TLN2: variants seen among roughly 807,000 people sequenced by gnomAD.
The protein encoded by TLN2 is talin-2.
Under a neutral mutation model 294.7 loss-of-function variants are expected in TLN2, and 118 were observed. The observed-to-expected ratio is 0.40, with a 90% CI of 0.34 to 0.47. The LOEUF is 0.47. Ranked by LOEUF, TLN2 falls within the 20% of genes least tolerant of loss-of-function variation. The pLI is 0.84. For synonymous variants in TLN2, 1,431 were observed against 1,304.5 expected (o/e 1.10, Z -2.09); for missense variants, 3,083 against 3,282.2 (o/e 0.94, Z 1.48).
intron 19 of TLN2, among the ~76,000 whole-genome samples, chr15:62,703,650 C>CACACACAG (rs34685862): frequency 7.3e-4 from 110 of 149,914 alleles, no homozygotes; most frequent in South Asian, 4.8e-3. Flanking sequence ...CACACACACA[C>CACACACAG]AGAGAAAGAG....
At position 62,610,041 on chromosome 15, in the gene TLN2, T is replaced by G. The variant is rs538066655; in HGVS notation, c.-161-8310T>G. On this transcript the variant is annotated intron_variant, in intron 2 of 58. Transcript: ENST00000636159. The stretch of plus-strand genomic sequence containing the variant: ...TATAATAAGACCTACCAGACTCATC[T>G]TGTACTTACCCTGCTCCAGACTTAG... Among the ~76,000 whole-genome samples, 37 of 152,336 alleles carry G rather than the reference T, an allele frequency of 2.4e-4. No homozygotes were observed. In the South Asian group the frequency reaches 3.7e-3, roughly 15 times the overall value.
intron 1 of TLN2, among the ~76,000 whole-genome samples, chr15:62,582,246 A>ACACACACACACCCACACACACACCCC (rs764248336): frequency 7.3e-6 from 1 of 137,240 alleles, no homozygotes; most frequent in East Asian, 2.3e-4. Context: ...ACACACACAC[A>ACACACACACACCCACACACACACCCC]CATTCATGCC....
At chr15:62,694,501 C>A in intron 14 of TLN2, 109 bp downstream of exon 14, 2 of 839,004 alleles carry the variant, frequency 2.4e-6, no homozygotes, top group East Asian at 2.6e-5. Flanking sequence ...GAGAAGATGA[C>A]AGCAGATGAT....
chr15:62,408,364 C>T (rs2033553085), intron 1 of TLN2, among the ~76,000 whole-genome samples: 2 of 152,176 alleles, frequency 1.3e-5, no homozygotes, highest in Non-Finnish European at 2.9e-5. Context: ...AACAGGGCTG[C>T]CTGGGCCCCA....
At chr15:62,426,572 T>C (rs1435071858) in intron 1 of TLN2, among the ~76,000 whole-genome samples, 1 of 152,174 alleles carries the variant, frequency 6.6e-6, no homozygotes, top group African/African-American at 2.4e-5. Flanking sequence ...CTTTGTATGG[T>C]AATGGGGACT....
At chr15:62,680,406 G>A (rs1010655110) in intron 11 of TLN2, among the ~76,000 whole-genome samples, 2 of 151,914 alleles carry the variant, frequency 1.3e-5, no homozygotes, top group Admixed American at 6.6e-5. Context: ...TTAATTTTCA[G>A]GTTTATTGTT....
chr15:62,731,684 T>G (rs1282138611), intron 28 of TLN2, among the ~76,000 whole-genome samples: 2 of 152,216 alleles, frequency 1.3e-5, no homozygotes, highest in Non-Finnish European at 2.9e-5. Context: ...GGTTACAAAT[T>G]AGGAAATGCC....
At chr15:62,475,692 A>G (rs1217754403) in intron 1 of TLN2, among the ~76,000 whole-genome samples, 3 of 152,128 alleles carry the variant, frequency 2.0e-5, no homozygotes, top group Non-Finnish European at 4.4e-5. Context: ...CCCCTGCTCA[A>G]ATGTGAACAG....
chr15:62,825,787 TATTATA>T (rs1295552393), intron 54 of TLN2, among the ~76,000 whole-genome samples: 2 of 48,954 alleles, frequency 4.1e-5, no homozygotes, highest in African/African-American at 1.9e-4. Context: ...ATATATTATA[TATTATA>T]ATATATATTA....
intron 54 of TLN2, among the ~76,000 whole-genome samples, chr15:62,827,524 A>G (rs932251930): frequency 1.3e-5 from 2 of 152,184 alleles, no homozygotes; most frequent in Non-Finnish European, 2.9e-5. Flanking sequence ...ACAGTCACAT[A>G]GTCAAAGTAC....
At chr15:62,817,680 A>T (rs2141196593) in intron 52 of TLN2, among the ~76,000 whole-genome samples, 1 of 152,206 alleles carries the variant, frequency 6.6e-6, no homozygotes, top group East Asian at 1.9e-4. Flanking sequence ...ATCTTTCCAG[A>T]TTCCTGAGAA....
At chr15:62,799,771 T>C (rs1486879514) in intron 48 of TLN2, among the ~76,000 whole-genome samples, 2 of 152,178 alleles carry the variant, frequency 1.3e-5, no homozygotes, top group Admixed American at 6.5e-5. Flanking sequence ...AGTGGGCCCT[T>C]AGCTGAGGGA....
chr15:62,611,071 G>A (rs2047874376), intron 2 of TLN2, among the ~76,000 whole-genome samples: 1 of 152,202 alleles, frequency 6.6e-6, no homozygotes, highest in African/African-American at 2.4e-5. Context: ...TAAGGGAAGA[G>A]CCGTGGGCAA....
intron 3 of TLN2, among the ~76,000 whole-genome samples, chr15:62,626,362 C>T (rs572969195): frequency 4.6e-5 from 7 of 152,228 alleles, no homozygotes; most frequent in South Asian, 2.1e-4. Context: ...CTGGAATAAT[C>T]GCATAAATAG....
intron 1 of TLN2, among the ~76,000 whole-genome samples, chr15:62,463,251 C>T (rs546063076): frequency 3.9e-5 from 6 of 152,182 alleles, no homozygotes; most frequent in South Asian, 2.1e-4. Flanking sequence ...ACTTTCTGAC[C>T]GTCCGCCCAC....
intron 24 of TLN2, among the ~76,000 whole-genome samples, chr15:62,718,918 G>C (rs778764191): frequency 6.6e-6 from 1 of 152,194 alleles, no homozygotes; most frequent in African/African-American, 2.4e-5. Flanking sequence ...CAAATGACTA[G>C]AACTAGCAGA....
At chr15:62,485,825 T>C (rs2038360089) in intron 1 of TLN2, among the ~76,000 whole-genome samples, 1 of 152,110 alleles carries the variant, frequency 6.6e-6, no homozygotes, top group South Asian at 2.1e-4. Context: ...GCGTGTCCAG[T>C]TGGCTTGGGA....
At chr15:62,561,983 T>C (rs1430987430) in intron 1 of TLN2, among the ~76,000 whole-genome samples, 2 of 152,180 alleles carry the variant, frequency 1.3e-5, no homozygotes, top group Non-Finnish European at 2.9e-5. Context: ...TGAGTTGTTA[T>C]CTCACCTAGT....
chr15:62,819,548 G>A lies in TLN2; in HGVS notation c.6804G>A (p.Gln2268=), dbSNP rs753341465. The A allele has an allele frequency of 6.2e-7, 1 of 1,613,936 alleles. No individual in the cohort carries two copies. Among genetic ancestry groups the A allele is most frequent in the South Asian group, 1.1e-5 (1 of 91,076 alleles). The change falls in exon 53 of 59, where the codon CAG becomes CAA. Residue 2268 remains glutamine (Q), a synonymous_variant. Transcript: ENST00000636159. ...AGAAACCAACCCCAGAATTCAAGCA[G>A]CAGCTGGCCGCTTTCTCCAAGCGAG... The part of the protein sequence containing the change: ...ILQKPTPEFK[Q]QLAAFSKRVA...
Sources: gnomAD v4.1 joint callset for allele counts (sites outside exome capture counted in the v4.1 genomes callset) on GRCh38, gnomAD v4.1.1 for gene constraint, MANE v1.5 for transcripts, NCBI Gene and HGNC (gene_info 2026-07-23, HGNC 2026-07-21) for gene names.